ZNF705D: variants seen among roughly 807,000 people sequenced by gnomAD.
ZNF705D encodes the protein zinc finger protein 705D.
For missense variants in ZNF705D, 6 were observed against 129.4 expected (o/e 0.05, Z 4.63); for synonymous variants, 1 against 43.8 (o/e 0.02, Z 3.86).
At position 12,109,403 on chromosome 8, in the gene ZNF705D, C is replaced by T. The variant is rs199534085; in HGVS notation, c.13-497C>T. 0.025 allele frequency among the ~76,000 whole-genome samples: 2,262 copies of T among 88,988 alleles called. 457 individuals are homozygous for T. In the East Asian group the frequency reaches 0.27, roughly 10 times the overall value. 58.4% of individuals were successfully genotyped at this position (88,988 alleles called of 152,430 possible). Reference sequence around the variant, plus strand: ...GTAGGAAACACATTTTCTATTAGTTCATTAGATTATTCAAAACACATCATT... The same window carrying T: ...GTAGGAAACACATTTTCTATTAGTTTATTAGATTATTCAAAACACATCATT... On this transcript the variant is annotated intron_variant, in intron 1 of 4. Coordinates refer to ENST00000400078, the Ensembl canonical transcript of ZNF705D.
chr8:12,113,112 G>C, exon 5 of ZNF705D: 1 of 1,418,116 alleles, frequency 7.1e-7, no homozygotes, highest in Non-Finnish European at 9.6e-7. Context: ...CCACATGCTT[G>C]TCTTCTATGT....
the ZNF705D span, among the ~76,000 whole-genome samples, chr8:12,089,951 G>T: frequency 2.0e-5 from 1 of 50,806 alleles, no homozygotes. Context: ...AGGCGAATCT[G>T]GCTTGAAAAC....
the ZNF705D span, among the ~76,000 whole-genome samples, chr8:12,095,820 G>A: frequency 3.5e-5 from 1 of 28,172 alleles, no homozygotes. Context: ...TATAACAGAT[G>A]TATCTTTCAA....
At chr8:12,107,225 G>T (rs1802223030), upstream of ZNF705D, among the ~76,000 whole-genome samples, 1 of 30,624 alleles carries the variant, frequency 3.3e-5, no homozygotes, top group African/African-American at 8.5e-5. Flanking sequence ...GAGATTTTAA[G>T]GGCTAGATTA....
chr8:12,097,601 C>CT, the ZNF705D span, among the ~76,000 whole-genome samples: 26 of 144,028 alleles, frequency 1.8e-4, no homozygotes, highest in Admixed American at 7.0e-5. Flanking sequence ...TGTAACAAAT[C>CT]ACACATGCAC....
At chr8:12,103,444 C>T (rs1488644032), upstream of ZNF705D, among the ~76,000 whole-genome samples, 72 of 67,798 alleles carry the variant, frequency 1.1e-3, 1 homozygote, top group African/African-American at 2.2e-3. Flanking sequence ...GGAAGAGACC[C>T]GAACAGATGC....
At chr8:12,109,427 T>C (rs2150601494) in intron 1 of ZNF705D, among the ~76,000 whole-genome samples, 1 of 87,734 alleles carries the variant, frequency 1.1e-5, no homozygotes, top group South Asian at 5.4e-4. Flanking sequence ...AAACACATCA[T>C]TGGTCTTTTA....
At chr8:12,102,980 A>G (rs1173777981), upstream of ZNF705D, among the ~76,000 whole-genome samples, 13 of 79,158 alleles carry the variant, frequency 1.6e-4, no homozygotes, top group South Asian at 7.4e-4. Context: ...GGTGCAAAGG[A>G]CATAATTTTT....
chr8:12,090,226 C>G, the ZNF705D span, among the ~76,000 whole-genome samples: 3 of 84,650 alleles, frequency 3.5e-5, 1 homozygote, highest in East Asian at 9.6e-3. Flanking sequence ...CCTTCCAGTG[C>G]CTTTGTGCTA....
At chr8:12,105,725 G>A (rs2150600394), upstream of ZNF705D, among the ~76,000 whole-genome samples, 1 of 41,574 alleles carries the variant, frequency 2.4e-5, no homozygotes, top group Middle Eastern at 0.016. Flanking sequence ...CAACAGGAGT[G>A]AAACTCTACC....
chr8:12,103,269 C>A (rs1439475508), upstream of ZNF705D, among the ~76,000 whole-genome samples: 3 of 88,986 alleles, frequency 3.4e-5, 1 homozygote, highest in Non-Finnish European at 5.1e-5. Flanking sequence ...TTTCTGGCAG[C>A]GTATCTGCAT....
intron 2 of ZNF705D, among the ~76,000 whole-genome samples, 183 bp from the exon 5 acceptor site, chr8:12,110,617 G>C (rs2150601823): frequency 1.6e-4 from 1 of 6,374 alleles, no homozygotes; most frequent in African/African-American, 2.3e-4. Context: ...CCTTTGGTTT[G>C]GATTTATTTT....
downstream of ZNF705D, chr8:12,113,277 ACTT>A: frequency 1.4e-6 from 1 of 739,554 alleles, no homozygotes; most frequent in Admixed American, 4.8e-5. Context: ...AAAATTATAA[ACTT>A]CTTCAGAACA....
At chr8:12,094,712 A>AT in the ZNF705D span, among the ~76,000 whole-genome samples, 8 of 922 alleles carry the variant, frequency 8.7e-3, no homozygotes, top group South Asian at 0.071. Context: ...TTCTTTCTTT[A>AT]TTTTTTTTTT....
At chr8:12,109,341 A>C (rs1206959992) in intron 1 of ZNF705D, among the ~76,000 whole-genome samples, 1 of 83,490 alleles carries the variant, frequency 1.2e-5, no homozygotes, top group African/African-American at 3.1e-5. Flanking sequence ...TGAATGAATA[A>C]GGGACCAATG....
At chr8:12,090,715 G>T in the ZNF705D span, among the ~76,000 whole-genome samples, 1 of 41,104 alleles carries the variant, frequency 2.4e-5, no homozygotes, top group Non-Finnish European at 7.2e-5. Flanking sequence ...TAAGTTCCTT[G>T]TAGATGCTGT....
the ZNF705D span, among the ~76,000 whole-genome samples, chr8:12,095,765 C>CACAA: frequency 4.4e-5 from 2 of 45,134 alleles, no homozygotes; most frequent in Admixed American, 4.0e-4. Context: ...CACACACACA[C>CACAA]ACACACACAC....
At chr8:12,109,375 T>C (rs1410827506) in intron 1 of ZNF705D, among the ~76,000 whole-genome samples, 1 of 90,816 alleles carries the variant, frequency 1.1e-5, no homozygotes, top group Non-Finnish European at 2.6e-5. Context: ...AAATATTTGC[T>C]AGGTAGGAAA....
the ZNF705D span, chr8:12,095,126 A>G: frequency 2.6e-6 from 1 of 387,088 alleles, no homozygotes; most frequent in Admixed American, 2.1e-4. Context: ...GGAGATAGGG[A>G]GAGGGAGAGA....
Sources: allele counts gnomAD v4.1 joint callset (sites outside exome capture counted in the v4.1 genomes callset), GRCh38; gene constraint gnomAD v4.1.1; transcripts MANE v1.5; gene names NCBI Gene and HGNC (gene_info 2026-07-23, HGNC 2026-07-21).